Variants in MAP2K5 observed in about 807,000 individuals in gnomAD.
The protein encoded by MAP2K5 is mitogen-activated protein kinase kinase 5, also known as dual specificity mitogen-activated protein kinase kinase 5.
In MAP2K5, 49 loss-of-function variants were observed where a neutral mutation model predicts 83.1. That is an observed-to-expected ratio of 0.59 (90% CI 0.47 to 0.75). The LOEUF is 0.75. Ranked by LOEUF, MAP2K5 falls within the 30% of genes least tolerant of loss-of-function variation. MAP2K5 has a pLI of 0.00. For synonymous variants in MAP2K5, 202 were observed against 191.8 expected, an observed-to-expected ratio of 1.05 and a Z score of -0.44; for missense variants, 457 against 557.5, an observed-to-expected ratio of 0.82 and a Z score of 1.82.
intron 8 of MAP2K5, among the ~76,000 whole-genome samples, chr15:67,618,204 A>G (rs1377042825): frequency 2.6e-5 from 4 of 152,180 alleles, no homozygotes; most frequent in Admixed American, 1.3e-4. Context: ...AATCAGTCAC[A>G]TGTTTTCTGA....
intron 12 of MAP2K5, among the ~76,000 whole-genome samples, chr15:67,660,056 G>T (rs538295065): frequency 6.6e-6 from 1 of 152,204 alleles, no homozygotes; most frequent in South Asian, 2.1e-4. Flanking sequence ...CTGAAGGATT[G>T]TTTATATTTG....
At chr15:67,584,788 C>G (rs999957192) in intron 4 of MAP2K5, among the ~76,000 whole-genome samples, 1 of 149,796 alleles carries the variant, frequency 6.7e-6, no homozygotes, top group African/African-American at 2.5e-5. Context: ...ACAACATTCT[C>G]CTGCCTCACG....
chr15:67,652,105 C>T lies in MAP2K5; in HGVS notation c.736+5636C>T, dbSNP rs1240898465. On this transcript the variant is annotated intron_variant, in intron 11 of 21. Coordinates refer to ENST00000178640, the MANE Select transcript of MAP2K5 (RefSeq NM_145160.3). This position sits in a 1 kb window ranked among gnomAD's most constrained non-coding sequence, Gnocchi z 4.2. The stretch of plus-strand genomic sequence containing the variant: ...CACTGTGGTTTTGATTTGCATTTCC[C>T]TGGTGATTAGTGATGTCAAACATTT... Among the ~76,000 whole-genome samples, 1 of 152,122 alleles carries T rather than the reference C, an allele frequency of 6.6e-6. No individual in the cohort carries two copies. The highest frequency in any genetic ancestry group is 1.5e-5 in the Non-Finnish European group (1 of 68,028).
At chr15:67,727,892 G>A (rs772496058) in intron 16 of MAP2K5, 24 bp from the exon 17 acceptor site, 1 of 1,598,106 alleles carries the variant, frequency 6.3e-7, no homozygotes, top group African/African-American at 1.3e-5. Context: ...TCTATAACTA[G>A]ACAAATATTA....
intron 2 of MAP2K5, among the ~76,000 whole-genome samples, chr15:67,550,320 A>G (rs944389635): frequency 6.6e-6 from 1 of 152,272 alleles, no homozygotes. Context: ...AATTACCAGC[A>G]TGACCTTTAT....
chr15:67,753,890 A>G (rs1420035613), intron 19 of MAP2K5, among the ~76,000 whole-genome samples: 1 of 152,242 alleles, frequency 6.6e-6, no homozygotes, highest in African/African-American at 2.4e-5. Flanking sequence ...ATGTCCGCAT[A>G]AAAACTTATA....
intron 21 of MAP2K5, among the ~76,000 whole-genome samples, chr15:67,788,648 C>T (rs1476959714): frequency 6.6e-6 from 1 of 152,060 alleles, no homozygotes; most frequent in African/African-American, 2.4e-5. Flanking sequence ...CTGCCATCAT[C>T]CATATTTATT....
At chr15:67,650,742 T>G (rs950408325) in intron 11 of MAP2K5, among the ~76,000 whole-genome samples, 6 of 152,192 alleles carry the variant, frequency 3.9e-5, no homozygotes, top group Non-Finnish European at 7.3e-5. Flanking sequence ...TAGTATTTTC[T>G]TGATGATTTT....
At chr15:67,621,628 A>T (rs909609612) in intron 8 of MAP2K5, among the ~76,000 whole-genome samples, 1 of 152,188 alleles carries the variant, frequency 6.6e-6, no homozygotes, top group Non-Finnish European at 1.5e-5. Flanking sequence ...CCAGTGAATA[A>T]CTTTATGACA....
rs142383453 is a variant in MAP2K5, at chr15:67,621,210, T to C, written c.546-9678T>C. 8.3e-3 allele frequency among the ~76,000 whole-genome samples: 1,271 copies of C among 152,220 alleles called. 40 individuals are homozygous for C. The highest frequency in any genetic ancestry group is 0.062 in the Admixed American group (946 of 15,276). On this transcript the variant is annotated intron_variant, in intron 8 of 21. Coordinates refer to ENST00000178640, the MANE Select transcript of MAP2K5 (RefSeq NM_145160.3). ...AAAAAGTATTACTAGAGAAATGTTA[T>C]GAAAATACAAATATTTACAACTGAA...
chr15:67,560,187 A>G (rs927232341), intron 2 of MAP2K5, among the ~76,000 whole-genome samples: 2 of 152,234 alleles, frequency 1.3e-5, no homozygotes. Flanking sequence ...CACTGTCTTT[A>G]GAGAGAAGTG....
At chr15:67,709,490 A>C (rs564374179) in intron 16 of MAP2K5, among the ~76,000 whole-genome samples, 1 of 151,936 alleles carries the variant, frequency 6.6e-6, no homozygotes, top group African/African-American at 2.4e-5. Context: ...AAAAAAAAAA[A>C]AAAACTACAG....
intron 21 of MAP2K5, among the ~76,000 whole-genome samples, chr15:67,803,849 C>T (rs1334776557): frequency 2.0e-5 from 3 of 152,324 alleles, no homozygotes; most frequent in Admixed American, 6.5e-5. Flanking sequence ...AATATTGATT[C>T]TCCCTCCTCT....
chr15:67,649,098 G>T (rs1467193051), intron 11 of MAP2K5, among the ~76,000 whole-genome samples: 1 of 152,074 alleles, frequency 6.6e-6, no homozygotes, highest in East Asian at 1.9e-4. Flanking sequence ...GTGTGACATG[G>T]TATCCCATTT....
intron 12 of MAP2K5, among the ~76,000 whole-genome samples, chr15:67,660,775 C>G (rs2087216322): frequency 6.6e-6 from 1 of 151,724 alleles, no homozygotes; most frequent in Non-Finnish European, 1.5e-5. Context: ...ACCAGCTTGC[C>G]CAGAGTTATC....
chr15:67,798,415 A>G (rs2090643046), intron 21 of MAP2K5, among the ~76,000 whole-genome samples: 1 of 152,148 alleles, frequency 6.6e-6, no homozygotes, highest in Non-Finnish European at 1.5e-5. Context: ...CAAACTCATG[A>G]GTGTCGGCAC....
chr15:67,584,786 C>T (rs889516193), intron 4 of MAP2K5, among the ~76,000 whole-genome samples: 11 of 146,612 alleles, frequency 7.5e-5, no homozygotes, highest in African/African-American at 2.5e-4. Flanking sequence ...TCACAACATT[C>T]TCCTGCCTCA....
rs1436714063 is a variant in MAP2K5, at chr15:67,720,051, G to A, written c.1045-7865G>A. Among the ~76,000 whole-genome samples, 3 of 152,070 alleles carry A rather than the reference G, an allele frequency of 2.0e-5. No individual in the cohort carries two copies. Among genetic ancestry groups the A allele is most frequent in the African/African-American group, 7.2e-5 (3 of 41,404 alleles). On this transcript the variant is annotated intron_variant, in intron 16 of 21. Transcript: ENST00000178640. This position sits in a 1 kb window ranked among gnomAD's most constrained non-coding sequence, Gnocchi z 5.7. ...ATGGAACGGTTAAAGTGTCTGTAAAGCTACAAAAGTGGGCATTTTTAAATT... is the reference window on the plus strand; with the variant it reads ...ATGGAACGGTTAAAGTGTCTGTAAAACTACAAAAGTGGGCATTTTTAAATT...
At chr15:67,547,606 C>A (rs2084422973) in intron 1 of MAP2K5, among the ~76,000 whole-genome samples, 2 of 151,968 alleles carry the variant, frequency 1.3e-5, no homozygotes, top group Admixed American at 6.6e-5. Context: ...CAGATACACA[C>A]CACACATCCA....
Sources: gnomAD v4.1 joint callset for allele counts (sites outside exome capture counted in the v4.1 genomes callset) on GRCh38, gnomAD v4.1.1 for gene constraint, Gnocchi (gnomAD v3.1) non-coding constraint, MANE v1.5 for transcripts, NCBI Gene and HGNC (gene_info 2026-07-23, HGNC 2026-07-21) for gene names.